SBNO1: variants seen among roughly 807,000 people sequenced by gnomAD.
The protein encoded by SBNO1 is strawberry notch homolog 1, also known as protein strawberry notch homolog 1.
In SBNO1, 23 loss-of-function variants were observed where a neutral mutation model predicts 173.6. That is an observed-to-expected ratio of 0.13 (90% CI 0.10 to 0.19). SBNO1 has a LOEUF of 0.19. Ranked by LOEUF, SBNO1 falls within the 10% of genes least tolerant of loss-of-function variation. The probability of loss-of-function intolerance (pLI) is 1.00; values close to 1 mark genes in which losing one functional copy is unlikely to be tolerated. For missense variants in SBNO1, 1,238 were observed against 1,671.2 expected, an observed-to-expected ratio of 0.74 and a Z score of 4.52; for synonymous variants, 632 against 571.5, an observed-to-expected ratio of 1.11 and a Z score of -1.51.
At chr12:123,361,717 A>G (rs1397281958) in intron 1 of SBNO1, among the ~76,000 whole-genome samples, 2 of 130,398 alleles carry the variant, frequency 1.5e-5, no homozygotes, top group African/African-American at 3.0e-5. Context: ...CTGGTGACAG[A>G]GCAAGACAGT....
chr12:123,337,064 A>C (rs894156307), intron 5 of SBNO1, among the ~76,000 whole-genome samples: 2 of 152,214 alleles, frequency 1.3e-5, no homozygotes, highest in Non-Finnish European at 2.9e-5. Flanking sequence ...CCTTATGAAG[A>C]ACAGAAAAAT....
chr12:123,338,638 C>A (rs1232184965), intron 5 of SBNO1, among the ~76,000 whole-genome samples: 1 of 151,864 alleles, frequency 6.6e-6, no homozygotes, highest in East Asian at 1.9e-4. Context: ...TGAGCCAAGA[C>A]TGCACCAATG....
chr12:123,323,614 A>G (rs1451335659), intron 16 of SBNO1, 66 bp downstream of exon 16: 1 of 1,255,992 alleles, frequency 8.0e-7, no homozygotes. Context: ...TCAGCCTCCC[A>G]AAGTGCTGGG....
chr12:123,291,464 A>T lies in SBNO1; in HGVS notation c.*4444T>A, dbSNP rs2048509764. 6.6e-6 allele frequency: 1 copy of T among 152,212 alleles called. No homozygotes were observed. The highest frequency in any genetic ancestry group is 1.5e-5 in the Non-Finnish European group (1 of 68,044). 9.4% of individuals were successfully genotyped at this position (152,212 alleles called of 1,614,324 possible). A position where few individuals can be genotyped will look rare whatever the true frequency, so the allele number is the denominator to read the frequency against. On this transcript the variant is annotated 3_prime_UTR_variant, in exon 32 of 32. Coordinates refer to ENST00000602398, the MANE Select transcript of SBNO1 (RefSeq NM_001167856.3). ...AACATCAGGCTCACTATAGCTTCCAAAGAACAACATAAACGAGCATCAGCA... is the reference window on the plus strand; with the variant it reads ...AACATCAGGCTCACTATAGCTTCCATAGAACAACATAAACGAGCATCAGCA...
chr12:123,353,617 C>G (rs1468431572), intron 1 of SBNO1, among the ~76,000 whole-genome samples: 1 of 152,036 alleles, frequency 6.6e-6, no homozygotes, highest in Non-Finnish European at 1.5e-5. Flanking sequence ...AAAAAAAGAC[C>G]AAGTTAACTA....
intron 1 of SBNO1, among the ~76,000 whole-genome samples, chr12:123,354,152 G>A (rs1874176872): frequency 6.6e-6 from 1 of 151,958 alleles, no homozygotes; most frequent in Non-Finnish European, 1.5e-5. Context: ...AGAGAGCAAC[G>A]GTTATAAATA....
intron 7 of SBNO1, among the ~76,000 whole-genome samples, chr12:123,332,285 GTTTGTTTTTGT>G (rs1272309245): frequency 2.0e-5 from 3 of 151,822 alleles, no homozygotes; most frequent in Non-Finnish European, 2.9e-5. Context: ...ACAGGTTTTT[GTTTGTTTTTGT>G]TTTGTTTTGT....
rs748060588 is a variant in SBNO1, at chr12:123,315,611, C to T, written c.2985G>A (p.Leu995=). 3.1e-6 allele frequency: 5 copies of T among 1,613,874 alleles called. No individual in the cohort carries two copies. Among genetic ancestry groups the T allele is most frequent in the Non-Finnish European group, 4.2e-6 (5 of 1,179,938 alleles). The part of the protein sequence containing the change: ...NQVTAPEYVF[L]ISELAGEQRF... ...TTTGTTCTCCTGCCAGTTCAGATATCAGAAAGACATACTCAGGAGCAGTAA... is the reference window on the plus strand; with the variant it reads ...TTTGTTCTCCTGCCAGTTCAGATATTAGAAAGACATACTCAGGAGCAGTAA... Residue 995 remains leucine (L), a synonymous_variant, in exon 22 of 32, where the codon CTG becomes CTA. Coordinates refer to ENST00000602398, the MANE Select transcript of SBNO1 (RefSeq NM_001167856.3).
At chr12:123,361,532 G>C (rs1276696648) in intron 1 of SBNO1, among the ~76,000 whole-genome samples, 1 of 151,520 alleles carries the variant, frequency 6.6e-6, no homozygotes, top group African/African-American at 2.4e-5. Flanking sequence ...TGGGCAACAA[G>C]AGCAAAACTC....
At chr12:123,353,634 C>T (rs952937650) in intron 1 of SBNO1, among the ~76,000 whole-genome samples, 1 of 152,126 alleles carries the variant, frequency 6.6e-6, no homozygotes, top group African/African-American at 2.4e-5. Flanking sequence ...ACTAATTTTT[C>T]TAATATAGAC....
At chr12:123,342,177 G>A (rs905527634) in intron 4 of SBNO1, among the ~76,000 whole-genome samples, 1 of 152,004 alleles carries the variant, frequency 6.6e-6, no homozygotes, top group Non-Finnish European at 1.5e-5. Flanking sequence ...TTGAACCCGG[G>A]AGGCGGAGGC....
chr12:123,345,812 G>A (rs964254657), intron 3 of SBNO1, among the ~76,000 whole-genome samples: 1 of 152,062 alleles, frequency 6.6e-6, no homozygotes, highest in East Asian at 1.9e-4. Context: ...TGGGACTACA[G>A]GTGCACACCA....
At chr12:123,337,725 T>TA (rs1872019979) in intron 5 of SBNO1, among the ~76,000 whole-genome samples, 1 of 152,224 alleles carries the variant, frequency 6.6e-6, no homozygotes, top group Non-Finnish European at 1.5e-5. Flanking sequence ...ATTCTGCTGT[T>TA]ATTTAATTGT....
intron 6 of SBNO1, 146 bp from the exon 7 acceptor site, chr12:123,334,359 A>G (rs925923787): frequency 1.7e-6 from 1 of 588,952 alleles, no homozygotes; most frequent in Non-Finnish European, 2.9e-6. Flanking sequence ...AAAGTAACTG[A>G]TGACAAAGTA....
In SBNO1 at chr12:123,341,016, A is replaced by G. The variant is rs1296171866; in HGVS notation, c.623T>C (p.Met208Thr). Residue 208 changes from methionine (M) to threonine (T), a missense_variant, in exon 5 of 32, where the codon ATG (methionine) becomes ACG (threonine). Met to Thr is a moderately conservative substitution (Grantham distance 81). Around this residue, in one of 14 missense-constraint regions of SBNO1, gnomAD observed 287 missense variants for 274.1 expected, o/e 1.05. Transcript: ENST00000602398. Reference protein sequence around the residue: ...KEGARMWINDMKMRSFSPTMK... With the variant: ...KEGARMWINDTKMRSFSPTMK... ...GGTTGGGGAAAAACTCCTCATCTTCATGTCGTTTATCCACATTCTAGCTCC... is the reference window on the plus strand; with the variant it reads ...GGTTGGGGAAAAACTCCTCATCTTCGTGTCGTTTATCCACATTCTAGCTCC... The G allele has an allele frequency of 3.1e-6, 5 of 1,600,244 alleles. No individual in the cohort carries two copies. The African/African-American group carries it at 6.7e-5, about 22-fold the overall frequency.
At chr12:123,321,418 CAAAGATT>C (rs1385881854) in intron 17 of SBNO1, 110 bp downstream of exon 17, 34 of 778,628 alleles carry the variant, frequency 4.4e-5, no homozygotes, top group Non-Finnish European at 6.5e-5. Context: ...TTCCACCAAG[CAAAGATT>C]ATAATCTGTG....
chr12:123,345,214 G>A (rs769570775), intron 4 of SBNO1, 44 bp downstream of exon 4: 1 of 1,506,228 alleles, frequency 6.6e-7, no homozygotes, highest in Non-Finnish European at 9.2e-7. Context: ...TGCTGACATA[G>A]CTTACCAGAG....
At chr12:123,301,924 A>T (rs1484158228) in intron 30 of SBNO1, among the ~76,000 whole-genome samples, 1 of 151,338 alleles carries the variant, frequency 6.6e-6, no homozygotes, top group Non-Finnish European at 1.5e-5. Context: ...GAGTGACAGA[A>T]GGAGGGCGAA....
rs924988168 is a variant in SBNO1 at position 123,350,656 on chromosome 12, T to C, written c.1-215A>G. ...AAAGGATAGAGAAGTACATAAATCA[T>C]AGCACAAGTATGCATCTACAAAAGG... is the stretch of plus-strand genomic sequence containing the variant. On this transcript the variant is annotated intron_variant, in intron 1 of 31. Coordinates refer to ENST00000602398, the MANE Select transcript of SBNO1 (RefSeq NM_001167856.3). 2.0e-5 allele frequency among the ~76,000 whole-genome samples: 3 copies of C among 152,256 alleles called. No individual in the cohort carries two copies. In the South Asian group the frequency reaches 6.2e-4, roughly 32 times the overall value.
Sources: allele counts gnomAD v4.1 joint callset (sites outside exome capture counted in the v4.1 genomes callset), GRCh38; gene constraint gnomAD v4.1.1; regional missense constraint gnomAD v4.1.1; transcripts MANE v1.5; gene names NCBI Gene and HGNC (gene_info 2026-07-23, HGNC 2026-07-21).